The following SYTL2 variants were observed in gnomAD, a reference collection of about 807,000 sequenced individuals.
SYTL2 encodes synaptotagmin-like protein 2.
SYTL2 carries 165 observed loss-of-function variants against 198.7 expected under a neutral mutation model. The ratio of observed to expected loss-of-function variants is 0.83; its 90% CI spans 0.73 to 0.94. The LOEUF (loss-of-function observed/expected upper bound fraction) is 0.94. Ranked by LOEUF, SYTL2 falls within the 40% of genes least tolerant of loss-of-function variation. The pLI is 0.00. For synonymous variants in SYTL2, 966 were observed against 917.7 expected, an observed-to-expected ratio of 1.05 and a Z score of -0.95; for missense variants, 2,835 against 2,582.8, an observed-to-expected ratio of 1.10 and a Z score of -2.12.
At chr11:85,714,541 T>C (rs781003194) in intron 11 of SYTL2, 34 bp from the exon 12 acceptor site, 57 of 1,594,390 alleles carry the variant, frequency 3.6e-5, no homozygotes, top group Non-Finnish European at 4.8e-5. Flanking sequence ...AAAATTATTC[T>C]TACAATTGTC....
intron 1 of SYTL2, among the ~76,000 whole-genome samples, chr11:85,780,675 T>A (rs1189023918): frequency 6.6e-6 from 1 of 152,230 alleles, no homozygotes; most frequent in Non-Finnish European, 1.5e-5. Context: ...TTCATCCATA[T>A]CCTTTGCAAT....
At chr11:85,852,399 A>G in the SYTL2 span, among the ~76,000 whole-genome samples, 1 of 151,476 alleles carries the variant, frequency 6.6e-6, no homozygotes, top group Non-Finnish European at 1.5e-5. Context: ...CTCCCTCTCT[A>G]TCCACAGTCT....
chr11:85,781,392 C>G (rs1388991405), intron 1 of SYTL2, among the ~76,000 whole-genome samples: 1 of 152,140 alleles, frequency 6.6e-6, no homozygotes, highest in Non-Finnish European at 1.5e-5. Flanking sequence ...ATTATGAGAA[C>G]TACAATTCAA....
chr11:85,832,782 A>C, the SYTL2 span, among the ~76,000 whole-genome samples: 1 of 151,714 alleles, frequency 6.6e-6, no homozygotes, highest in East Asian at 1.9e-4. Context: ...GTTTGAGCCT[A>C]GGAGTTCAAG....
At chr11:85,751,382 T>C (rs974921811) in intron 2 of SYTL2, among the ~76,000 whole-genome samples, 2 of 152,196 alleles carry the variant, frequency 1.3e-5, no homozygotes, top group Non-Finnish European at 2.9e-5. Context: ...CACGTTCATC[T>C]CTCATTTTTT....
chr11:85,727,912 A>G lies in SYTL2; in HGVS notation c.1446T>C (p.Ser482=). 8 of 1,613,704 alleles carry G rather than the reference A, an allele frequency of 5.0e-6. No homozygotes were observed. The highest frequency in any genetic ancestry group is 6.8e-6 in the Non-Finnish European group (8 of 1,179,896). ...PEPSQVPGGS[S]RDRQQGKPPP... is the part of the protein sequence containing the mutation. ...GGGGCTTACCTTGCTGACGGTCTCT[A>G]GAACTGCCACCTGGCACCTGAGATG... is the stretch of plus-strand genomic sequence containing the variant. Residue 482 remains serine, a synonymous_variant, in exon 8 of 20, where the codon TCT becomes TCC. Coordinates refer to ENST00000359152, the MANE Select transcript of SYTL2 (RefSeq NM_206927.4).
At chr11:85,762,014 G>A (rs1462764497) in intron 1 of SYTL2, among the ~76,000 whole-genome samples, 1 of 152,196 alleles carries the variant, frequency 6.6e-6, no homozygotes, top group Non-Finnish European at 1.5e-5. Context: ...GCTGAGGGGG[G>A]CATTTGCCAC....
chr11:85,702,897 C>T (rs2084565387), intron 16 of SYTL2, among the ~76,000 whole-genome samples: 1 of 152,008 alleles, frequency 6.6e-6, no homozygotes, highest in Non-Finnish European at 1.5e-5. Context: ...ACTTTGCATG[C>T]TATATTTTTA....
At chr11:85,797,838 TTTGTTGTTG>T (rs532015361) in intron 1 of SYTL2, among the ~76,000 whole-genome samples, 3 of 151,114 alleles carry the variant, frequency 2.0e-5, no homozygotes, top group Admixed American at 6.6e-5. Context: ...CCACAAAGTT[TTTGTTGTTG>T]TTGTTGTTGT....
chr11:85,847,680 G>T, the SYTL2 span, among the ~76,000 whole-genome samples: 32,158 of 152,094 alleles, frequency 0.21, 3,658 homozygotes, highest in South Asian at 0.29. Flanking sequence ...GTGTGTAGTA[G>T]TATCTCACTG....
At chr11:85,833,179 GAAAC>G in the SYTL2 span, among the ~76,000 whole-genome samples, 11 of 139,082 alleles carry the variant, frequency 7.9e-5, 1 homozygote, top group South Asian at 4.4e-4. Context: ...AAGAAAGAAA[GAAAC>G]AAAGAAAAAA....
At chr11:85,756,683 T>C (rs1324164833) in intron 2 of SYTL2, among the ~76,000 whole-genome samples, 2 of 152,188 alleles carry the variant, frequency 1.3e-5, no homozygotes, top group Non-Finnish European at 2.9e-5. Flanking sequence ...ATACTGTCTA[T>C]ATAGAAGTTA....
At chr11:85,802,220 C>CTTTTTTTTTT (rs5793172) in intron 1 of SYTL2, among the ~76,000 whole-genome samples, 1 of 122,590 alleles carries the variant, frequency 8.2e-6, no homozygotes. Flanking sequence ...TTTTTCTTTT[C>CTTTTTTTTTT]TTTTTTTTTT....
At position 85,734,200 on chromosome 11, in the gene SYTL2, C is replaced by T; in HGVS notation, c.1129G>A (p.Glu377Lys). ...GAAGGCTTAGGGTCACTCTGAAACTCTTCTGTGTCCCCTGCATCTTCCATT... is the reference window on the plus strand; with the variant it reads ...GAAGGCTTAGGGTCACTCTGAAACTTTTCTGTGTCCCCTGCATCTTCCATT... ...NGMEDAGDTEEFQSDPKPSQY... is the reference protein window; with the variant it reads ...NGMEDAGDTEKFQSDPKPSQY... The change falls in exon 7 of 20, where the codon GAG becomes AAG. Residue 377 changes from glutamate to lysine, a missense_variant. Glu to Lys is a moderately conservative substitution (Grantham distance 56). This residue lies in a region of SYTL2 where 2,645 missense variants were observed against 2,381.7 expected (regional missense o/e 1.11). Transcript: ENST00000359152. 1.2e-6 allele frequency: 2 copies of T among 1,614,166 alleles called. No individual in the cohort carries two copies. Among genetic ancestry groups the T allele is most frequent in the Non-Finnish European group, 1.7e-6 (2 of 1,179,992 alleles).
chr11:85,776,356 C>T lies in SYTL2; in HGVS notation c.-389-18242G>A, dbSNP rs549379294. Among the ~76,000 whole-genome samples, 5 of 152,298 alleles carry T rather than the reference C, an allele frequency of 3.3e-5. No individual in the cohort carries two copies. The East Asian group carries it at 9.6e-4, about 29-fold the overall frequency. ...CCATGGTTTGCTGCACCCATCAACC[C>T]GTCATCTACATTAGGTATTTCTCCT... On this transcript the variant is annotated intron_variant, in intron 1 of 19. Coordinates refer to ENST00000359152, the MANE Select transcript of SYTL2 (RefSeq NM_206927.4).
the SYTL2 span, among the ~76,000 whole-genome samples, chr11:85,842,214 C>G: frequency 6.6e-6 from 1 of 152,168 alleles, no homozygotes; most frequent in Non-Finnish European, 1.5e-5. Flanking sequence ...AGTGGCTGCC[C>G]ATATCCCCTC....
intron 2 of SYTL2, among the ~76,000 whole-genome samples, chr11:85,751,547 A>G (rs1317505258): frequency 6.6e-6 from 1 of 152,370 alleles, no homozygotes; most frequent in South Asian, 2.1e-4. Flanking sequence ...AGAGTTAAGT[A>G]GAGAGAAGAC....
chr11:85,826,491 G>T, the SYTL2 span, among the ~76,000 whole-genome samples: 1 of 152,362 alleles, frequency 6.6e-6, no homozygotes, highest in East Asian at 1.9e-4. Context: ...CCAGGAGCCT[G>T]GTCTTGAGGC....
chr11:85,834,935 A>G, the SYTL2 span, among the ~76,000 whole-genome samples: 1 of 151,666 alleles, frequency 6.6e-6, no homozygotes, highest in Non-Finnish European at 1.5e-5. Flanking sequence ...ACTTTTTAAA[A>G]TTTTTGTAGA....
Sources: allele counts gnomAD v4.1 joint callset (sites outside exome capture counted in the v4.1 genomes callset), GRCh38; gene constraint gnomAD v4.1.1; regional missense constraint gnomAD v4.1.1; transcripts MANE v1.5; gene names NCBI Gene and HGNC (gene_info 2026-07-23, HGNC 2026-07-21).